The following TNS1 variants were observed in gnomAD, a reference collection of about 807,000 sequenced individuals.
The protein encoded by TNS1 is tensin 1.
TNS1 carries 62 observed loss-of-function variants against 168.6 expected under a neutral mutation model. The observed-to-expected ratio is 0.37, with a 90% CI of 0.30 to 0.45. The LOEUF (loss-of-function observed/expected upper bound fraction) is 0.45. TNS1 is among the 20% of genes least tolerant of loss of function. The pLI is 1.00. For synonymous variants in TNS1, 934 were observed against 933.2 expected, an observed-to-expected ratio of 1.00 and a Z score of -0.02; for missense variants, 2,240 against 2,339.4, an observed-to-expected ratio of 0.96 and a Z score of 0.88.
intron 3 of TNS1, among the ~76,000 whole-genome samples, chr2:217,957,581 C>A (rs141071184): frequency 6.6e-6 from 1 of 151,986 alleles, no homozygotes; most frequent in Non-Finnish European, 1.5e-5. Context: ...TAGACAGAGG[C>A]CTGAGAGAGC....
chr2:217,949,861 A>C (rs1253202081), intron 3 of TNS1, among the ~76,000 whole-genome samples: 5 of 152,234 alleles, frequency 3.3e-5, no homozygotes, highest in African/African-American at 1.2e-4. Flanking sequence ...TCTTGGGGTA[A>C]TGTCCAAAAC....
upstream of TNS1, among the ~76,000 whole-genome samples, chr2:218,004,421 T>C (rs2105987976): frequency 6.6e-6 from 1 of 151,838 alleles, no homozygotes; most frequent in Middle Eastern, 3.4e-3. Context: ...CAGCACCACA[T>C]ACCGTGCAAC....
chr2:217,902,206 T>C (rs79035218), intron 6 of TNS1, among the ~76,000 whole-genome samples: 2,065 of 152,158 alleles, frequency 0.014, 29 homozygotes, highest in East Asian at 0.068. Context: ...AGTTCACCCA[T>C]CTCCATTTCA....
chr2:217,903,136 C>T (rs1004205544), intron 6 of TNS1, among the ~76,000 whole-genome samples: 1 of 152,172 alleles, frequency 6.6e-6, no homozygotes, highest in African/African-American at 2.4e-5. Context: ...ATCCCTGGGC[C>T]TCCAATCTTC....
At position 217,897,786 on chromosome 2, in the gene TNS1, A is replaced by C. The variant is rs184284069; in HGVS notation, c.543+12T>G. On this transcript the variant is annotated intron_variant, in intron 8 of 32. Coordinates refer to ENST00000682258, the MANE Select transcript of TNS1 (RefSeq NM_001387777.1). ...AGGGCACAGGACAGTGGGCACGAGG[A>C]TCCATCCTCACCAGGTAGTTGCCTC... 467 of 1,585,024 alleles carry C rather than the reference A, an allele frequency of 2.9e-4. 4 individuals are homozygous for C. The African/African-American group carries it at 5.9e-3, about 20-fold the overall frequency.
intron 18 of TNS1, chr2:217,859,718 T>C: frequency 4.6e-6 from 7 of 1,528,694 alleles, no homozygotes; most frequent in Non-Finnish European, 6.1e-6. Flanking sequence ...AAATCATGAA[T>C]AGCAGAGTAT....
chr2:218,007,050 C>A (rs75901036), upstream of TNS1, among the ~76,000 whole-genome samples: 5 of 152,256 alleles, frequency 3.3e-5, no homozygotes, highest in South Asian at 8.3e-4. Flanking sequence ...CCACCTCTCA[C>A]AATGGGGCCA....
At chr2:218,024,068 C>T (rs1465405063) in intron 1 of TNS1, among the ~76,000 whole-genome samples, 1 of 152,236 alleles carries the variant, frequency 6.6e-6, no homozygotes, top group Non-Finnish European at 1.5e-5. Flanking sequence ...TTTGCCACAG[C>T]AGCTGAGGTG....
At chr2:217,811,411 A>T (rs777823282) in intron 28 of TNS1, among the ~76,000 whole-genome samples, 78 of 152,188 alleles carry the variant, frequency 5.1e-4, no homozygotes, top group Non-Finnish European at 1.1e-3. Context: ...TTGGTCCATT[A>T]CCATTAATAA....
Position 217,847,878 on chromosome 2 carries a change from T to C in TNS1, c.2639A>G (p.Gln880Arg), listed in dbSNP as rs527485216. The change falls in exon 19 of 33, where the codon CAG becomes CGG. Residue 880 changes from glutamine to arginine, a missense_variant. Coordinates refer to ENST00000682258, the MANE Select transcript of TNS1 (RefSeq NM_001387777.1). Reference protein sequence around the residue: ...SSQPLSGSSRQSHPLTQSRSG... With the variant: ...SSQPLSGSSRRSHPLTQSRSG... ...TCTGGACTGGGTCAGTGGATGGGAC[T>C]GACGGGAGGATCCAGAGAGGGGCTG... 1 of 1,567,600 alleles carries C rather than the reference T, an allele frequency of 6.4e-7. No homozygotes were observed. Among genetic ancestry groups the C allele is most frequent in the African/African-American group, 1.3e-5 (1 of 74,226 alleles).
At chr2:217,989,628 G>A (rs1029281603) in intron 2 of TNS1, among the ~76,000 whole-genome samples, 1 of 152,046 alleles carries the variant, frequency 6.6e-6, no homozygotes, top group Non-Finnish European at 1.5e-5. Context: ...GCCAAGCCCC[G>A]GGCCATTCCA....
At position 217,813,455 on chromosome 2, in the gene TNS1, G is replaced by A; in HGVS notation, c.4862-148C>T. On this transcript the variant is annotated intron_variant, in intron 26 of 32. Coordinates refer to ENST00000682258, the MANE Select transcript of TNS1 (RefSeq NM_001387777.1). This position sits in a 1 kb window ranked among gnomAD's most constrained non-coding sequence, Gnocchi z 4.0. ...GAACGTGGCTGGAGCCCCATGGACT[G>A]CAGAGCCCACTGCTGCTCTCCCACC... 1.1e-6 allele frequency: 1 copy of A among 892,270 alleles called. No individual in the cohort carries two copies. Among genetic ancestry groups the A allele is most frequent in the Non-Finnish European group, 1.7e-6 (1 of 579,124 alleles). 55.3% of individuals were successfully genotyped at this position (892,270 alleles called of 1,614,324 possible).
At chr2:217,820,339 A>C (rs796728127) in intron 23 of TNS1, among the ~76,000 whole-genome samples, 7 of 152,322 alleles carry the variant, frequency 4.6e-5, no homozygotes, top group African/African-American at 1.7e-4. Flanking sequence ...TTCCTTTAAA[A>C]TAGGAAATGC....
chr2:217,850,928 G>A (rs1031654032), intron 18 of TNS1, among the ~76,000 whole-genome samples: 7 of 152,048 alleles, frequency 4.6e-5, no homozygotes, highest in South Asian at 2.1e-4. Context: ...CACTCTACAC[G>A]CACATCCTCT....
chr2:217,841,001 G>A (rs929097197), intron 19 of TNS1, among the ~76,000 whole-genome samples: 1 of 152,168 alleles, frequency 6.6e-6, no homozygotes, highest in Non-Finnish European at 1.5e-5. Flanking sequence ...AGAGGATAGT[G>A]AGAAATGGGG....
At chr2:217,943,394 G>A (rs1327460219) in intron 3 of TNS1, among the ~76,000 whole-genome samples, 1 of 152,186 alleles carries the variant, frequency 6.6e-6, no homozygotes, top group African/African-American at 2.4e-5. Context: ...TGGGTGGCAG[G>A]GAAAGAGATG....
At chr2:217,956,523 C>T (rs1460589314) in intron 3 of TNS1, among the ~76,000 whole-genome samples, 1 of 152,120 alleles carries the variant, frequency 6.6e-6, no homozygotes, top group Non-Finnish European at 1.5e-5. Flanking sequence ...GAGACACAGG[C>T]GCTGGAAAGT....
intron 17 of TNS1, 103 bp from the exon 18 acceptor site, chr2:217,881,117 G>C: frequency 1.3e-6 from 1 of 774,488 alleles, no homozygotes. Flanking sequence ...CTCCCCAAAA[G>C]AGGCTCCCTG....
In TNS1 at chr2:217,802,481, C is replaced by T. The variant is rs961355395; in HGVS notation, c.*1978G>A. The T allele has an allele frequency of 2.0e-5, 3 of 152,304 alleles. No individual in the cohort carries two copies. Among genetic ancestry groups the T allele is most frequent in the African/African-American group, 7.2e-5 (3 of 41,464 alleles). 9.4% of individuals were successfully genotyped at this position (152,304 alleles called of 1,614,324 possible). ...CGCATGCTCACACACTCGCTCAGGCCTGCAGAGTCAGGGACAGCTCCCCAC... is the reference window on the plus strand; with the variant it reads ...CGCATGCTCACACACTCGCTCAGGCTTGCAGAGTCAGGGACAGCTCCCCAC... On this transcript the variant is annotated 3_prime_UTR_variant, in exon 33 of 33. Transcript: ENST00000682258.
Sources: allele counts gnomAD v4.1 joint callset (sites outside exome capture counted in the v4.1 genomes callset), GRCh38; gene constraint gnomAD v4.1.1; non-coding constraint Gnocchi (gnomAD v3.1); transcripts MANE v1.5; gene names NCBI Gene and HGNC (gene_info 2026-07-23, HGNC 2026-07-21).